The following MTA3 variants were observed in gnomAD, a reference collection of about 807,000 sequenced individuals.
The protein encoded by MTA3 is metastasis-associated protein MTA3.
MTA3 carries 34 observed loss-of-function variants against 83.5 expected under a neutral mutation model. That is an observed-to-expected ratio of 0.41 (90% confidence interval 0.31 to 0.54). MTA3 has a LOEUF of 0.54. MTA3 is among the 20% of genes least tolerant of loss of function. The probability of loss-of-function intolerance (pLI) is 0.33; values close to 1 mark genes in which losing one functional copy is unlikely to be tolerated. For missense variants in MTA3, 761 were observed against 726.4 expected, an observed-to-expected ratio of 1.05 and a Z score of -0.55; for synonymous variants, 303 against 252.7, an observed-to-expected ratio of 1.20 and a Z score of -1.89.
intron 6 of MTA3, among the ~76,000 whole-genome samples, chr2:42,652,594 C>T (rs1688817135): frequency 6.6e-6 from 1 of 152,168 alleles, no homozygotes; most frequent in Admixed American, 6.5e-5. Context: ...GATCCTCCTA[C>T]CTTGGCTTCC....
At position 42,609,598 on chromosome 2, in the gene MTA3, A is replaced by G. The variant is rs183604411; in HGVS notation, c.317+14A>G. The G allele has an allele frequency of 2.8e-3, 4,502 of 1,612,660 alleles. 123 individuals carry two copies. In the Admixed American group the frequency reaches 0.051, roughly 18 times the overall value. ...AACACATATCAGGTAAGAACTTTTT[A>G]GGAACTAAGGTACTCAGTACTACGG... On this transcript the variant is annotated intron_variant, in intron 4 of 16. Coordinates refer to ENST00000405094, the MANE Select transcript of MTA3 (RefSeq NM_001330442.2).
chr2:42,543,231 G>A (rs1018888337), intron 2 of MTA3, among the ~76,000 whole-genome samples: 3 of 152,146 alleles, frequency 2.0e-5, no homozygotes, highest in Non-Finnish European at 2.9e-5. Flanking sequence ...AGGCTGGAGA[G>A]CAGTGGCGCA....
chr2:42,578,041 G>C (rs1679240280), intron 2 of MTA3, among the ~76,000 whole-genome samples: 1 of 152,162 alleles, frequency 6.6e-6, no homozygotes, highest in Non-Finnish European at 1.5e-5. Flanking sequence ...AGTTTTAAGG[G>C]GCACTGTTTC....
chr2:42,508,572 G>T (rs1674746522), intron 2 of MTA3, among the ~76,000 whole-genome samples: 1 of 151,520 alleles, frequency 6.6e-6, no homozygotes, highest in South Asian at 2.1e-4. Context: ...GCCTCAAGCA[G>T]TCCTCCCGCC....
chr2:42,751,772 G>C (rs1474824712), intron 16 of MTA3, among the ~76,000 whole-genome samples: 1 of 152,184 alleles, frequency 6.6e-6, no homozygotes, highest in Non-Finnish European at 1.5e-5. Flanking sequence ...CTTTTGATAG[G>C]TGGTTTAATT....
intron 2 of MTA3, among the ~76,000 whole-genome samples, chr2:42,535,629 G>A (rs946580737): frequency 6.6e-6 from 1 of 152,208 alleles, no homozygotes; most frequent in Non-Finnish European, 1.5e-5. Flanking sequence ...AGCTTCTAGA[G>A]AGGGTGGGAA....
chr2:42,600,501 A>AT lies in MTA3; in HGVS notation c.191-8943dup, dbSNP rs11355281. ...ATATGGCCCATGTTTCTTTTTATTA[A>AT]TTTTTTTTTTTTTTGCATCCCCTTT... On this transcript the variant is annotated intron_variant, in intron 3 of 16. Coordinates refer to ENST00000405094, the MANE Select transcript of MTA3 (RefSeq NM_001330442.2). 3.7e-3 allele frequency among the ~76,000 whole-genome samples: 514 copies of AT among 140,010 alleles called. 7 individuals are homozygous for AT. Among genetic ancestry groups the AT allele is most frequent in the African/African-American group, 5.9e-3 (222 of 37,458 alleles). 91.9% of individuals were successfully genotyped at this position (140,010 alleles called of 152,430 possible).
intron 11 of MTA3, among the ~76,000 whole-genome samples, chr2:42,698,683 A>G (rs952667523): frequency 2.6e-5 from 4 of 152,140 alleles, no homozygotes; most frequent in African/African-American, 9.7e-5. Context: ...CAGTTGTTTA[A>G]TAACTAGCCT....
At chr2:42,501,070 A>G (rs949431957) in intron 2 of MTA3, among the ~76,000 whole-genome samples, 11 of 152,236 alleles carry the variant, frequency 7.2e-5, no homozygotes, top group Admixed American at 7.2e-4. Context: ...TCCGCCTCCC[A>G]AAGTGCTGGG....
At chr2:42,586,538 C>A (rs1353643463) in intron 3 of MTA3, among the ~76,000 whole-genome samples, 1 of 135,176 alleles carries the variant, frequency 7.4e-6, no homozygotes, top group African/African-American at 2.8e-5. Context: ...AGGAAAAACA[C>A]ACACACACAA....
At chr2:42,543,869 A>G (rs1676636664) in intron 2 of MTA3, among the ~76,000 whole-genome samples, 1 of 151,924 alleles carries the variant, frequency 6.6e-6, no homozygotes, top group South Asian at 2.1e-4. Flanking sequence ...ATTTGTTTTT[A>G]ATTAGAGACA....
Position 42,754,422 on chromosome 2 carries a change from C to T in MTA3, c.*1023C>T, listed in dbSNP as rs927628419. 5 of 985,406 alleles carry T rather than the reference C, an allele frequency of 5.1e-6. No individual in the cohort carries two copies. Among genetic ancestry groups the T allele is most frequent in the Non-Finnish European group, 6.0e-6 (5 of 830,018 alleles). The allele number at this position is 985,406 out of a possible 1,614,324, so 61.0% of individuals were successfully genotyped here. A position where few individuals can be genotyped will look rare whatever the true frequency, so the allele number is the denominator to read the frequency against. ...CTTGTGAGCACATGTGACCTAGGCC[C>T]CGGGGGACCTGCCTGCTCCTTTGGC... On this transcript the variant is annotated 3_prime_UTR_variant, in exon 17 of 17. Transcript: ENST00000405094.
intron 15 of MTA3, among the ~76,000 whole-genome samples, chr2:42,722,116 G>C (rs1272162350): frequency 6.6e-6 from 1 of 152,192 alleles, no homozygotes; most frequent in Non-Finnish European, 1.5e-5. Flanking sequence ...CTGAGAATCA[G>C]TGAGCTGCTA....
In MTA3 at chr2:42,640,161, C is replaced by A; in HGVS notation, c.318-12C>A. 1 of 1,586,116 alleles carries A rather than the reference C, an allele frequency of 6.3e-7. No homozygotes were observed. Among genetic ancestry groups the A allele is most frequent in the Non-Finnish European group, 8.6e-7 (1 of 1,167,078 alleles). ...CCTTTGTTACATTTATTCTTTTTTTCTTTTTCAACAGGGGAAAGTGCAGTG... is the reference window on the plus strand; with the variant it reads ...CCTTTGTTACATTTATTCTTTTTTTATTTTTCAACAGGGGAAAGTGCAGTG... On this transcript the variant is annotated splice_polypyrimidine_tract_variant and intron_variant, in intron 4 of 16. Transcript: ENST00000405094.
intron 3 of MTA3, among the ~76,000 whole-genome samples, chr2:42,602,257 G>T (rs1219502586): frequency 6.6e-6 from 1 of 152,188 alleles, no homozygotes; most frequent in African/African-American, 2.4e-5. Context: ...GATTACAGGC[G>T]TGAGCCACCA....
chr2:42,724,475 C>T (rs1213205386), intron 16 of MTA3, among the ~76,000 whole-genome samples: 4 of 151,990 alleles, frequency 2.6e-5, no homozygotes, highest in Non-Finnish European at 5.9e-5. Context: ...CACAGAGAGA[C>T]CCTGTCTCTA....
chr2:42,716,325 C>T (rs1372427626), intron 14 of MTA3, among the ~76,000 whole-genome samples: 2 of 152,246 alleles, frequency 1.3e-5, no homozygotes, highest in African/African-American at 2.4e-5. Context: ...TGTTTTTAAA[C>T]TTATTTTTTA....
chr2:42,534,872 C>G (rs1334069654), intron 2 of MTA3, among the ~76,000 whole-genome samples: 4 of 152,168 alleles, frequency 2.6e-5, no homozygotes, highest in Admixed American at 6.6e-5. Flanking sequence ...ATCCGCTAGC[C>G]TTGGCCTCCC....
chr2:42,504,845 C>T (rs967876320), intron 2 of MTA3, among the ~76,000 whole-genome samples: 1 of 152,078 alleles, frequency 6.6e-6, no homozygotes, highest in African/African-American at 2.4e-5. Flanking sequence ...CCTTAAATTT[C>T]CAGCTTTGCA....
Sources: allele counts gnomAD v4.1 joint callset (sites outside exome capture counted in the v4.1 genomes callset), GRCh38; gene constraint gnomAD v4.1.1; transcripts MANE v1.5; gene names NCBI Gene and HGNC (gene_info 2026-07-23, HGNC 2026-07-21).